Variants in OPRM1 observed in about 807,000 individuals in gnomAD.
OPRM1 encodes the protein opioid receptor mu 1, also known as mu-type opioid receptor.
A neutral mutation model predicts 31.8 loss-of-function variants in OPRM1; 27 were observed. That is an observed-to-expected ratio of 0.85 (90% confidence interval 0.63 to 1.17). The LOEUF (loss-of-function observed/expected upper bound fraction) is 1.17, where lower values mean the gene tolerates loss of function less well. Among genes scored for constraint, OPRM1 ranks in the 50% most tolerant of loss-of-function variants. OPRM1 has a pLI of 0.00. For synonymous variants in OPRM1, 196 were observed against 189.9 expected (o/e 1.03, Z -0.26); for missense variants, 536 against 511.1 (o/e 1.05, Z -0.47).
chr6:154,086,687 G>C (rs879889955), intron 1 of OPRM1: 55 of 985,014 alleles, frequency 5.6e-5, no homozygotes, highest in South Asian at 9.4e-5. Context: ...TTGGAAGTAT[G>C]ATGAGTCAGA....
chr6:154,133,052 C>T (rs765825608), downstream of OPRM1, among the ~76,000 whole-genome samples: 5 of 150,138 alleles, frequency 3.3e-5, no homozygotes, highest in East Asian at 3.9e-4. Flanking sequence ...ACCCGGGAGG[C>T]GGAGCTTGCA....
intron 1 of OPRM1, among the ~76,000 whole-genome samples, chr6:154,068,365 C>T (rs970161899): frequency 1.3e-5 from 2 of 152,078 alleles, no homozygotes; most frequent in Non-Finnish European, 2.9e-5. Flanking sequence ...TAACCTCAAC[C>T]CCAATTCACC....
intron 3 of OPRM1, among the ~76,000 whole-genome samples, chr6:154,099,494 G>T (rs1309621313): frequency 6.8e-6 from 1 of 147,126 alleles, no homozygotes; most frequent in Non-Finnish European, 1.5e-5. Flanking sequence ...AAGAAGGAAA[G>T]AAAAAGAAAG....
At chr6:154,231,502 T>C (rs12209958) in intron 3 of OPRM1, among the ~76,000 whole-genome samples, 14,889 of 152,308 alleles carry the variant, frequency 0.098, 1,195 homozygotes, top group East Asian at 0.43. Flanking sequence ...TGTCATCAGG[T>C]GACAGTTGAA....
In OPRM1 at chr6:154,130,459, C is replaced by T. The variant is rs576620435; in HGVS notation, c.*11738C>T. Among the ~76,000 whole-genome samples, 36 of 152,020 alleles carry T rather than the reference C, an allele frequency of 2.4e-4. No individual in the cohort carries two copies. The highest frequency in any genetic ancestry group is 4.7e-4 in the Non-Finnish European group (32 of 68,016). ...TTGGGATTACAGGTGTGAGCCACTGCGCCTGGCCAGAAATGTTTAAAATTT... is the reference window on the plus strand; with the variant it reads ...TTGGGATTACAGGTGTGAGCCACTGTGCCTGGCCAGAAATGTTTAAAATTT... On this transcript the variant is annotated 3_prime_UTR_variant, in exon 4 of 4. Transcript: ENST00000330432.
At chr6:154,071,142 A>G (rs925326357) in intron 1 of OPRM1, among the ~76,000 whole-genome samples, 3 of 152,218 alleles carry the variant, frequency 2.0e-5, no homozygotes, top group Non-Finnish European at 4.4e-5. Flanking sequence ...TATGGAATGC[A>G]TAATATGGAA....
intron 3 of OPRM1, among the ~76,000 whole-genome samples, chr6:154,098,143 T>G (rs934256429): frequency 5.3e-5 from 8 of 152,242 alleles, no homozygotes; most frequent in African/African-American, 1.9e-4. Context: ...AAATTCCATC[T>G]TATAACCCAG....
At chr6:154,039,894 ACAC>A (rs1376008217) in intron 1 of OPRM1, 60 bp downstream of exon 1, 1 of 1,446,244 alleles carries the variant, frequency 6.9e-7, no homozygotes, top group East Asian at 2.3e-5. Flanking sequence ...GTACAAAGAG[ACAC>A]CTAACTCCCA....
chr6:154,236,605 G>A (rs77801263), intron 3 of OPRM1, among the ~76,000 whole-genome samples: 1,942 of 152,292 alleles, frequency 0.013, 48 homozygotes, highest in African/African-American at 0.044. Flanking sequence ...ATTTGTCAGT[G>A]AAGAATGAAA....
chr6:154,111,208 G>A (rs1190905076), intron 3 of OPRM1, among the ~76,000 whole-genome samples: 1 of 152,128 alleles, frequency 6.6e-6, no homozygotes, highest in South Asian at 2.1e-4. Context: ...TGGAAGAGGG[G>A]ATGAGTTTCC....
chr6:154,238,825 C>G (rs934201230), intron 3 of OPRM1, among the ~76,000 whole-genome samples: 1 of 151,898 alleles, frequency 6.6e-6, no homozygotes, highest in African/African-American at 2.4e-5. Flanking sequence ...GGATTACAGG[C>G]GTGAGCCACC....
At chr6:154,097,466 A>G (rs186746291) in intron 3 of OPRM1, among the ~76,000 whole-genome samples, 63 of 152,308 alleles carry the variant, frequency 4.1e-4, no homozygotes, top group Non-Finnish European at 8.4e-4. Context: ...TCAATGGGAA[A>G]AAAAACTCAA....
At chr6:154,142,287 T>C (rs1223686412) in intron 3 of OPRM1, among the ~76,000 whole-genome samples, 1 of 152,108 alleles carries the variant, frequency 6.6e-6, no homozygotes, top group Non-Finnish European at 1.5e-5. Flanking sequence ...GGAGAGGCAG[T>C]CTCTCCATAG....
At chr6:154,229,728 C>G (rs1462731719) in intron 3 of OPRM1, among the ~76,000 whole-genome samples, 1 of 152,066 alleles carries the variant, frequency 6.6e-6, no homozygotes. Flanking sequence ...AGGTGTCTAC[C>G]CAAGAGGAAT....
chr6:154,100,240 T>A, intron 3 of OPRM1, among the ~76,000 whole-genome samples: 1 of 148,472 alleles, frequency 6.7e-6, no homozygotes, highest in African/African-American at 2.5e-5. Flanking sequence ...TATATTATCA[T>A]ATTATGACAT....
At chr6:154,149,873 C>T (rs559838714) in intron 3 of OPRM1, among the ~76,000 whole-genome samples, 2 of 152,208 alleles carry the variant, frequency 1.3e-5, no homozygotes, top group Admixed American at 6.5e-5. Context: ...CTGTTATCCC[C>T]GTTGCTTCTA....
At chr6:154,219,682 T>A (rs1267261255) in intron 3 of OPRM1, among the ~76,000 whole-genome samples, 1 of 152,052 alleles carries the variant, frequency 6.6e-6, no homozygotes, top group Admixed American at 6.6e-5. Context: ...GATTTTAACA[T>A]CCTCTCCATT....
chr6:154,118,732 T>C lies in OPRM1; in HGVS notation c.*11T>C. 1 of 1,613,098 alleles carries C rather than the reference T, an allele frequency of 6.2e-7. No individual in the cohort carries two copies. Among genetic ancestry groups the C allele is most frequent in the Non-Finnish European group, 8.5e-7 (1 of 1,179,538 alleles). On this transcript the variant is annotated 3_prime_UTR_variant, in exon 4 of 4. Coordinates refer to ENST00000330432, the MANE Select transcript of OPRM1 (RefSeq NM_000914.5). Reference sequence around the variant, plus strand: ...GCTCCGTTGCCCTAACAGGGTCTCATGCCATTCCGACCTTCACCAAGCTTA... The same window carrying C: ...GCTCCGTTGCCCTAACAGGGTCTCACGCCATTCCGACCTTCACCAAGCTTA...
At chr6:154,145,459 C>G (rs1297993630) in intron 3 of OPRM1, among the ~76,000 whole-genome samples, 1 of 152,196 alleles carries the variant, frequency 6.6e-6, no homozygotes, top group Non-Finnish European at 1.5e-5. Context: ...ACATACAGGA[C>G]TCATGCTAAA....
Sources: allele counts gnomAD v4.1 joint callset (sites outside exome capture counted in the v4.1 genomes callset), GRCh38; gene constraint gnomAD v4.1.1; transcripts MANE v1.5; gene names NCBI Gene and HGNC (gene_info 2026-07-23, HGNC 2026-07-21).